CDK17: variants seen among roughly 807,000 people sequenced by gnomAD.
CDK17 encodes cyclin dependent kinase 17, also known as cyclin-dependent kinase 17.
CDK17 carries 24 observed loss-of-function variants against 77.6 expected under a neutral mutation model. That is an observed-to-expected ratio of 0.31 (90% CI 0.22 to 0.44). The LOEUF is 0.44. Among genes scored for constraint, CDK17 ranks in the 20% least tolerant of loss-of-function variants. CDK17 has a pLI of 1.00. For synonymous variants in CDK17, 203 were observed against 210.4 expected, an observed-to-expected ratio of 0.96 and a Z score of 0.30; for missense variants, 429 against 622.5, an observed-to-expected ratio of 0.69 and a Z score of 3.31.
intron 1 of CDK17, among the ~76,000 whole-genome samples, chr12:96,390,036 G>C (rs1344696533): frequency 6.6e-6 from 1 of 151,822 alleles, no homozygotes; most frequent in African/African-American, 2.4e-5. Context: ...CACCATGTGG[G>C]CCAGGATGGT....
rs564002893 is a variant in CDK17, at chr12:96,399,609, C to CG, written c.-30+376dup. ...CCCCGCCGAGGGGACCTTTGTGTCT[C>CG]GGGGGACTTTCTGCCTCTTTCCCCT... On this transcript the variant is annotated intron_variant, in intron 1 of 16. Transcript: ENST00000261211. Among the ~76,000 whole-genome samples, 59 of 152,154 alleles carry CG rather than the reference C, an allele frequency of 3.9e-4. No homozygotes were observed. The South Asian group carries it at 1.0e-2, about 26-fold the overall frequency.
intron 4 of CDK17, among the ~76,000 whole-genome samples, chr12:96,312,701 C>T (rs1434489556): frequency 6.6e-6 from 1 of 152,040 alleles, no homozygotes; most frequent in Non-Finnish European, 1.5e-5. Flanking sequence ...GTTTACAGTA[C>T]GTACTGAAAT....
chr12:96,344,545 A>G (rs940887543), intron 1 of CDK17, among the ~76,000 whole-genome samples: 1 of 152,226 alleles, frequency 6.6e-6, no homozygotes, highest in East Asian at 1.9e-4. Flanking sequence ...TAGGAACGGC[A>G]TATTTTAAAT....
In CDK17 at chr12:96,351,619, T is replaced by A. The variant is rs547213142; in HGVS notation, c.-29-16754A>T. Among the ~76,000 whole-genome samples the A allele has an allele frequency of 1.1e-4, 17 of 152,328 alleles. No homozygotes were observed. The East Asian group carries it at 1.7e-3, about 16-fold the overall frequency. ...TTGTGATGGTTACACAAAATTTCAA[T>A]CTTAATTGTCGTTGAACTTTATGCT... On this transcript the variant is annotated intron_variant, in intron 1 of 16. Coordinates refer to ENST00000261211, the MANE Select transcript of CDK17 (RefSeq NM_002595.5).
intron 1 of CDK17, among the ~76,000 whole-genome samples, chr12:96,393,138 G>A (rs1296185351): frequency 6.6e-6 from 1 of 151,712 alleles, no homozygotes; most frequent in Non-Finnish European, 1.5e-5. Context: ...GCTGAGGCGG[G>A]TGGATCACGA....
intron 1 of CDK17, among the ~76,000 whole-genome samples, chr12:96,369,239 T>C (rs967374573): frequency 3.9e-5 from 6 of 152,324 alleles, no homozygotes; most frequent in Non-Finnish European, 7.3e-5. Context: ...AATGCACTGA[T>C]TTTTTGCTGT....
chr12:96,368,864 A>T (rs1038618043), intron 1 of CDK17, among the ~76,000 whole-genome samples: 1 of 141,926 alleles, frequency 7.0e-6, no homozygotes, highest in Non-Finnish European at 1.5e-5. Flanking sequence ...ACAGAGTCCC[A>T]AACCCTAGGT....
chr12:96,313,502 T>C (rs1290588825), intron 3 of CDK17, 48 bp from the exon 4 acceptor site: 1 of 1,048,378 alleles, frequency 9.5e-7, no homozygotes, highest in Non-Finnish European at 1.3e-6. Flanking sequence ...TATTCTAATA[T>C]ATAATTTATT....
At chr12:96,349,799 G>A (rs1321307438) in intron 1 of CDK17, among the ~76,000 whole-genome samples, 1 of 152,124 alleles carries the variant, frequency 6.6e-6, no homozygotes, top group South Asian at 2.1e-4. Context: ...GAAATATAAG[G>A]CAGCCAAATA....
intron 1 of CDK17, among the ~76,000 whole-genome samples, chr12:96,380,762 C>T (rs898431056): frequency 6.6e-5 from 10 of 152,200 alleles, no homozygotes; most frequent in African/African-American, 2.2e-4. Context: ...TGTTCAACAG[C>T]CTCCTTACTG....
intron 1 of CDK17, among the ~76,000 whole-genome samples, chr12:96,364,449 A>G (rs1403817987): frequency 6.6e-6 from 1 of 152,214 alleles, no homozygotes; most frequent in Non-Finnish European, 1.5e-5. Context: ...GATGAACAGT[A>G]TATCACCATA....
intron 1 of CDK17, among the ~76,000 whole-genome samples, chr12:96,394,675 C>T (rs1359273172): frequency 2.0e-5 from 3 of 151,340 alleles, no homozygotes; most frequent in Non-Finnish European, 4.4e-5. Context: ...TTTAGTTGGA[C>T]GTGGAAGCTC....
At chr12:96,287,508 A>G (rs1205810350) in intron 11 of CDK17, among the ~76,000 whole-genome samples, 1 of 152,170 alleles carries the variant, frequency 6.6e-6, no homozygotes, top group African/African-American at 2.4e-5. Context: ...TTCCTCAAAA[A>G]ATTAAAAGTA....
intron 6 of CDK17, among the ~76,000 whole-genome samples, chr12:96,299,805 C>T (rs949181184): frequency 6.6e-6 from 1 of 152,188 alleles, no homozygotes; most frequent in Non-Finnish European, 1.5e-5. Flanking sequence ...CTCCTTTAAG[C>T]CTTCCCTATT....
intron 10 of CDK17, among the ~76,000 whole-genome samples, chr12:96,294,541 C>T (rs1478444443): frequency 7.5e-6 from 1 of 134,208 alleles, no homozygotes; most frequent in Non-Finnish European, 1.5e-5. Context: ...CAAGATCACA[C>T]CACTGCACTC....
chr12:96,300,278 CTT>C, intron 6 of CDK17, 24 bp downstream of exon 6: 1 of 1,489,258 alleles, frequency 6.7e-7, no homozygotes, highest in Non-Finnish European at 9.3e-7. Context: ...AAAAATGTGT[CTT>C]ACATTTTTGA....
At chr12:96,284,642 A>AACCT (rs1346280370) in intron 13 of CDK17, among the ~76,000 whole-genome samples, 1 of 149,516 alleles carries the variant, frequency 6.7e-6, no homozygotes, top group African/African-American at 2.5e-5. Flanking sequence ...GGCTCACTGC[A>AACCT]ACCTCTCTAC....
chr12:96,387,959 T>A (rs1366186788), intron 1 of CDK17, among the ~76,000 whole-genome samples: 2 of 150,720 alleles, frequency 1.3e-5, no homozygotes, highest in African/African-American at 2.4e-5. Flanking sequence ...AAAATAATAA[T>A]AAAATAAAAG....
chr12:96,300,393 A>AAT, intron 5 of CDK17, 33 bp from the exon 6 acceptor site: 1 of 1,224,174 alleles, frequency 8.2e-7, no homozygotes, highest in Non-Finnish European at 1.1e-6. Context: ...TGTAGTATTT[A>AAT]CTTTTTTTTT....
Sources: gnomAD v4.1 joint callset for allele counts (sites outside exome capture counted in the v4.1 genomes callset) on GRCh38, gnomAD v4.1.1 for gene constraint, MANE v1.5 for transcripts, NCBI Gene and HGNC (gene_info 2026-07-23, HGNC 2026-07-21) for gene names.